The following DOCK8 variants were observed in gnomAD, a reference collection of about 807,000 sequenced individuals.
DOCK8 encodes the protein dedicator of cytokinesis protein 8.
DOCK8 carries 141 observed loss-of-function variants against 245.6 expected under a neutral mutation model. That is an observed-to-expected ratio of 0.57 (90% CI 0.50 to 0.66). The LOEUF is 0.66. Ranked by LOEUF, DOCK8 falls within the 30% of genes least tolerant of loss-of-function variation. The pLI, the probability that DOCK8 is intolerant of heterozygous loss-of-function variation, is 0.00. For synonymous variants in DOCK8, 1,168 were observed against 970.2 expected, an observed-to-expected ratio of 1.20 and a Z score of -3.79; for missense variants, 2,965 against 2,603.4, an observed-to-expected ratio of 1.14 and a Z score of -3.02.
intron 39 of DOCK8, among the ~76,000 whole-genome samples, chr9:435,327 C>T (rs1261287594): frequency 6.6e-6 from 1 of 152,052 alleles, no homozygotes; most frequent in Non-Finnish European, 1.5e-5. Context: ...TTATTAATAG[C>T]ACTTTAGGAG....
At chr9:307,122 G>A (rs921704602) in intron 5 of DOCK8, among the ~76,000 whole-genome samples, 1 of 152,056 alleles carries the variant, frequency 6.6e-6, no homozygotes, top group African/African-American at 2.4e-5. Flanking sequence ...TGAACCATCC[G>A]GTAACCCTGT....
At chr9:278,009 C>T (rs564534163) in intron 2 of DOCK8, among the ~76,000 whole-genome samples, 1 of 152,318 alleles carries the variant, frequency 6.6e-6, no homozygotes, top group South Asian at 2.1e-4. Flanking sequence ...TGCACTTCAT[C>T]TTTCAAGGGG....
intron 1 of DOCK8, among the ~76,000 whole-genome samples, chr9:217,717 G>T (rs906134063): frequency 6.6e-6 from 1 of 152,096 alleles, no homozygotes; most frequent in African/African-American, 2.4e-5. Context: ...TTTACTTATT[G>T]TGTCCCAGAC....
At position 386,197 on chromosome 9, in the gene DOCK8, T is replaced by C. The variant is rs769604050; in HGVS notation, c.2779-134T>C. ...CTTTGCTTTGTTTTATATTTACTTA[T>C]GGCAATTGTTTTACCTTTGTAACCA... On this transcript the variant is annotated intron_variant, in intron 22 of 47. Coordinates refer to ENST00000432829, the MANE Select transcript of DOCK8 (RefSeq NM_203447.4). 23 of 722,886 alleles carry C rather than the reference T, an allele frequency of 3.2e-5. No homozygotes were observed. The Admixed American group carries it at 3.3e-4, about 10-fold the overall frequency. The allele number at this position is 722,886 out of a possible 1,614,324, so 44.8% of individuals were successfully genotyped here.
chr9:294,902 G>A (rs1359655885), intron 4 of DOCK8, among the ~76,000 whole-genome samples: 2 of 152,238 alleles, frequency 1.3e-5, no homozygotes, highest in African/African-American at 4.8e-5. Context: ...GCTCATGCCT[G>A]TAATCCCAGC....
intron 4 of DOCK8, among the ~76,000 whole-genome samples, chr9:302,931 C>T (rs953944105): frequency 2.0e-5 from 3 of 150,904 alleles, no homozygotes; most frequent in Non-Finnish European, 4.4e-5. Flanking sequence ...AGGTTGAGAC[C>T]AGCCTGTGCA....
intron 2 of DOCK8, among the ~76,000 whole-genome samples, chr9:277,475 A>AGGGGAGGGGAGGGGAGG (rs1260887889): frequency 8.1e-6 from 1 of 123,252 alleles, no homozygotes. Flanking sequence ...AGAAGAGAAG[A>AGGGGAGGGGAGGGGAGG]GAAGAGAAGA....
At chr9:276,833 G>C (rs1386268120) in intron 2 of DOCK8, among the ~76,000 whole-genome samples, 2 of 152,156 alleles carry the variant, frequency 1.3e-5, no homozygotes, top group South Asian at 4.1e-4. Flanking sequence ...TTTAGAGACA[G>C]GGCCTTGCTC....
intron 5 of DOCK8, among the ~76,000 whole-genome samples, chr9:307,960 A>C (rs2049926679): frequency 6.6e-6 from 1 of 152,254 alleles, no homozygotes; most frequent in African/African-American, 2.4e-5. Context: ...AAGCACAGTA[A>C]GACTAATACT....
chr9:394,900 AGTATG>A (rs1462367034), intron 24 of DOCK8, among the ~76,000 whole-genome samples: 2 of 152,198 alleles, frequency 1.3e-5, no homozygotes, highest in African/African-American at 4.8e-5. Context: ...ATTGGTTGGA[AGTATG>A]GTATTGTGAG....
chr9:341,982 A>G (rs971759216), intron 14 of DOCK8, among the ~76,000 whole-genome samples: 1 of 152,228 alleles, frequency 6.6e-6, no homozygotes, highest in African/African-American at 2.4e-5. Context: ...GCTGTCTGCC[A>G]TCACTTTCAG....
intron 8 of DOCK8, among the ~76,000 whole-genome samples, 196 bp downstream of exon 8, chr9:325,933 T>C (rs1233896150): frequency 1.3e-5 from 2 of 152,196 alleles, no homozygotes; most frequent in African/African-American, 4.8e-5. Context: ...TTGAAGAATT[T>C]TAGAGGGAGA....
chr9:411,504 C>G (rs2055728093), intron 28 of DOCK8, among the ~76,000 whole-genome samples: 1 of 151,932 alleles, frequency 6.6e-6, no homozygotes, highest in African/African-American at 2.4e-5. Context: ...TGAATTCTAC[C>G]AAATATTTTT....
At chr9:405,702 T>G (rs2055383815) in intron 27 of DOCK8, among the ~76,000 whole-genome samples, 1 of 152,182 alleles carries the variant, frequency 6.6e-6, no homozygotes, top group Non-Finnish European at 1.5e-5. Flanking sequence ...GCAAAATTTC[T>G]CATTATTAGG....
intron 14 of DOCK8, among the ~76,000 whole-genome samples, chr9:341,047 G>C (rs1483229804): frequency 2.0e-5 from 3 of 152,162 alleles, no homozygotes; most frequent in African/African-American, 7.2e-5. Flanking sequence ...CATAATAATA[G>C]CACACATTCC....
intron 1 of DOCK8, among the ~76,000 whole-genome samples, chr9:242,413 G>GA (rs1289397063): frequency 6.6e-6 from 1 of 152,056 alleles, no homozygotes; most frequent in East Asian, 1.9e-4. Flanking sequence ...TAAACTAGGA[G>GA]AAATGGAAAA....
In DOCK8 at chr9:390,520, T is replaced by G. The variant is rs2054144843; in HGVS notation, c.2924T>G (p.Val975Gly). The G allele has an allele frequency of 6.2e-7, 1 of 1,614,102 alleles. No individual in the cohort carries two copies. Among genetic ancestry groups the G allele is most frequent in the South Asian group, 1.1e-5 (1 of 91,092 alleles). Reference protein sequence around the residue: ...ALQMVVSTGMVRETVFKYAWF... With the variant: ...ALQMVVSTGMGRETVFKYAWF... Reference sequence around the variant, plus strand: ...CAGATGGTGGTCAGCACCGGAATGGTGAGAGAAACAGTCTTCAAGTATGCC... The same window carrying G: ...CAGATGGTGGTCAGCACCGGAATGGGGAGAGAAACAGTCTTCAAGTATGCC... Residue 975 changes from valine to glycine, a missense_variant, in exon 24 of 48, where the codon GTG (valine) becomes GGG (glycine). Physicochemically the swap from Val to Gly is moderately radical, Grantham distance 109. Around this residue, in one of 3 missense-constraint regions of DOCK8, gnomAD observed 2,825 missense variants for 2,453.5 expected, o/e 1.15. Coordinates refer to ENST00000432829, the MANE Select transcript of DOCK8 (RefSeq NM_203447.4).
chr9:373,592 G>C (rs888880403), intron 18 of DOCK8, among the ~76,000 whole-genome samples: 1 of 152,172 alleles, frequency 6.6e-6, no homozygotes, highest in Non-Finnish European at 1.5e-5. Flanking sequence ...GCAATTTTAA[G>C]TTGAAGAATT....
At chr9:400,157 C>T (rs59481967) in intron 26 of DOCK8, among the ~76,000 whole-genome samples, 2,019 of 44,940 alleles carry the variant, frequency 0.045, 40 homozygotes, top group Non-Finnish European at 0.05. Flanking sequence ...ACCATCACCA[C>T]CACCACCACC....
Sources: gnomAD v4.1 joint callset for allele counts (sites outside exome capture counted in the v4.1 genomes callset) on GRCh38, gnomAD v4.1.1 for gene constraint, gnomAD v4.1.1 regional missense constraint, MANE v1.5 for transcripts, NCBI Gene and HGNC (gene_info 2026-07-23, HGNC 2026-07-21) for gene names.